UNC80: variants seen among roughly 807,000 people sequenced by gnomAD.
UNC80 encodes the protein unc-80 subunit of NALCN channel complex, also known as protein unc-80 homolog.
A neutral mutation model predicts 384.6 loss-of-function variants in UNC80; 164 were observed. The observed-to-expected ratio is 0.43, with a 90% CI of 0.38 to 0.49. The LOEUF (loss-of-function observed/expected upper bound fraction) is 0.49, where lower values mean the gene tolerates loss of function less well. UNC80 is among the 20% of genes least tolerant of loss of function. UNC80 has a pLI of 0.00. For synonymous variants in UNC80, 1,486 were observed against 1,527.8 expected (o/e 0.97, Z 0.64); for missense variants, 3,330 against 4,143.0 (o/e 0.80, Z 5.39).
chr2:209,786,811 G>A (rs2077455105), intron 5 of UNC80, among the ~76,000 whole-genome samples: 1 of 151,908 alleles, frequency 6.6e-6, no homozygotes, highest in South Asian at 2.1e-4. Context: ...TAAAATTGAG[G>A]TGATAATGCC....
intron 14 of UNC80, among the ~76,000 whole-genome samples, chr2:209,828,340 G>A (rs1408291977): frequency 6.6e-6 from 1 of 152,022 alleles, no homozygotes; most frequent in African/African-American, 2.4e-5. Context: ...CTGGAAACTT[G>A]TAAACTCCCT....
intron 6 of UNC80, among the ~76,000 whole-genome samples, chr2:209,792,931 A>G (rs1176531421): frequency 6.6e-6 from 1 of 152,190 alleles, no homozygotes; most frequent in Non-Finnish European, 1.5e-5. Context: ...ACATTATGCT[A>G]AAGAATTTTA....
Position 209,995,947 on chromosome 2 carries a change from A to C in UNC80, c.*352A>C. 1 of 173,562 alleles carries C rather than the reference A, an allele frequency of 5.8e-6. No homozygotes were observed. The highest frequency in any genetic ancestry group is 1.4e-4 in the South Asian group (1 of 7,032). 10.8% of individuals were successfully genotyped at this position (173,562 alleles called of 1,614,324 possible). On this transcript the variant is annotated 3_prime_UTR_variant, in exon 65 of 65. Transcript: ENST00000673920. ...ATATTAACAAATGATATGATCTAAA[A>C]ATAGAATGCAATTTTTTGAGATTAC...
At chr2:209,970,738 T>C (rs1439455859) in intron 53 of UNC80, 94 bp from the exon 54 acceptor site, 1 of 1,409,318 alleles carries the variant, frequency 7.1e-7, no homozygotes, top group African/African-American at 1.4e-5. Flanking sequence ...CTTCAATTTA[T>C]CATTTTTATT....
At chr2:209,981,746 A>G (rs2093162287) in intron 59 of UNC80, among the ~76,000 whole-genome samples, 1 of 152,242 alleles carries the variant, frequency 6.6e-6, no homozygotes, top group South Asian at 2.1e-4. Context: ...TCTTTCCCTC[A>G]GCAGTCTAGA....
intron 61 of UNC80, among the ~76,000 whole-genome samples, chr2:209,989,734 A>G (rs990528830): frequency 6.6e-6 from 1 of 152,222 alleles, no homozygotes; most frequent in Admixed American, 6.5e-5. Flanking sequence ...CAAATCCTGC[A>G]GATGACTGAA....
At chr2:209,968,233 G>A (rs1164174831) in intron 52 of UNC80, 1 of 152,284 alleles carries the variant, frequency 6.6e-6, no homozygotes, top group African/African-American at 2.4e-5. Flanking sequence ...ATTAGCAGAT[G>A]TTTTTGAACC....
chr2:209,772,969 T>A, intron 1 of UNC80, 125 bp from the exon 2 acceptor site: 1 of 749,702 alleles, frequency 1.3e-6, no homozygotes, highest in Non-Finnish European at 2.2e-6. Flanking sequence ...ATTAAAAAGC[T>A]ATAAGGAAGC....
rs2125038868 is a variant in UNC80 at position 209,998,947 on chromosome 2, A to G, written c.*3352A>G. ...TTTGACACTCAGGAGAATAAAAACA[A>G]GTTGAGGGCAGAATGTATTTGGAAA... On this transcript the variant is annotated 3_prime_UTR_variant, in exon 65 of 65. Transcript: ENST00000673920. 1 of 152,338 alleles carries G rather than the reference A, an allele frequency of 6.6e-6. No individual in the cohort carries two copies. Among genetic ancestry groups the G allele is most frequent in the East Asian group, 1.9e-4 (1 of 5,184 alleles). The allele number at this position is 152,338 out of a possible 1,614,324, so 9.4% of individuals were successfully genotyped here. A position where few individuals can be genotyped will look rare whatever the true frequency, so the allele number is the denominator to read the frequency against.
At chr2:209,962,481 A>G (rs2092624856) in intron 51 of UNC80, among the ~76,000 whole-genome samples, 1 of 152,190 alleles carries the variant, frequency 6.6e-6, no homozygotes. Context: ...CATAGTAGAT[A>G]AAGTGCTGGT....
rs754770494 is a variant in UNC80 at position 209,849,656 on chromosome 2, C to T, written c.3627+33C>T. The T allele has an allele frequency of 9.7e-6, 15 of 1,545,510 alleles. No homozygotes were observed. In the African/African-American group the frequency reaches 1.5e-4, roughly 16 times the overall value. On this transcript the variant is annotated intron_variant, in intron 22 of 64. Transcript: ENST00000673920. Reference sequence around the variant, plus strand: ...GGTGAAAGAATTTTCCCACCCTGCCCCCCATCCCAAGTAGCACTATTAACA... The same window carrying T: ...GGTGAAAGAATTTTCCCACCCTGCCTCCCATCCCAAGTAGCACTATTAACA...
chr2:209,793,701 C>T lies in UNC80; in HGVS notation c.799-19C>T. 6.2e-7 allele frequency: 1 copy of T among 1,612,114 alleles called. No individual in the cohort carries two copies. Among genetic ancestry groups the T allele is most frequent in the Non-Finnish European group, 8.5e-7 (1 of 1,178,766 alleles). On this transcript the variant is annotated intron_variant, in intron 6 of 64. Coordinates refer to ENST00000673920, the MANE Select transcript of UNC80 (RefSeq NM_001371986.1). ...AAAACAAAAAACAAAACCTAATCTGCTATCTCTGCCTCCAAAAGGGACTCC... is the reference window on the plus strand; with the variant it reads ...AAAACAAAAAACAAAACCTAATCTGTTATCTCTGCCTCCAAAAGGGACTCC...
chr2:209,862,329 C>A (rs747208415), intron 22 of UNC80, among the ~76,000 whole-genome samples: 2 of 152,136 alleles, frequency 1.3e-5, no homozygotes, highest in Non-Finnish European at 2.9e-5. Flanking sequence ...CTGTAGATAT[C>A]TATTAGGTCT....
intron 4 of UNC80, among the ~76,000 whole-genome samples, chr2:209,783,608 A>G (rs1212505899): frequency 6.6e-6 from 1 of 152,190 alleles, no homozygotes. Context: ...TGTATTTAGT[A>G]AAACAAAATG....
intron 38 of UNC80, 31 bp from the exon 39 acceptor site, chr2:209,933,791 C>G (rs1026057625): frequency 2.0e-6 from 3 of 1,510,546 alleles, no homozygotes; most frequent in Admixed American, 4.3e-5. Flanking sequence ...ATTATTGTAG[C>G]TTTGTGAACT....
At chr2:209,937,050 T>C (rs2091296431) in intron 41 of UNC80, 117 bp downstream of exon 41, 2 of 665,238 alleles carry the variant, frequency 3.0e-6, no homozygotes, top group Non-Finnish European at 5.3e-6. Flanking sequence ...TATGGCCACC[T>C]GGGTCACACC....
At position 209,945,092 on chromosome 2, in the gene UNC80, G is replaced by C. The variant is rs2091849335; in HGVS notation, c.7092G>C (p.Gln2364His). The C allele has an allele frequency of 1.9e-6, 3 of 1,551,626 alleles. No homozygotes were observed. Among genetic ancestry groups the C allele is most frequent in the African/African-American group, 2.7e-5 (2 of 73,016 alleles). ...GGCCCAGCAAAGGTGTGTCAGCTCA[G>C]TGCCTGTTTGACTTGCTGCAGTCCC... ...NNGPSKGVSA[Q>H]CLFDLLQSLE... Residue 2364 changes from glutamine to histidine, a missense_variant, in exon 46 of 65, where the codon CAG becomes CAC. This residue lies in a region of UNC80 where 1,049 missense variants were observed against 1,488.6 expected (regional missense o/e 0.70). Coordinates refer to ENST00000673920, the MANE Select transcript of UNC80 (RefSeq NM_001371986.1).
At chr2:209,939,284 A>C (rs1051320869) in intron 42 of UNC80, among the ~76,000 whole-genome samples, 188 bp from the exon 43 acceptor site, 2 of 152,198 alleles carry the variant, frequency 1.3e-5, no homozygotes, top group African/African-American at 4.8e-5. Context: ...AGTAAGAGGC[A>C]ATTGAGAATT....
chr2:209,772,682 A>G lies in UNC80; in HGVS notation c.93-412A>G, dbSNP rs79219128. 5.2e-3 allele frequency among the ~76,000 whole-genome samples: 795 copies of G among 152,324 alleles called. 10 individuals carry two copies. Among genetic ancestry groups the G allele is most frequent in the African/African-American group, 0.018 (750 of 41,562 alleles). On this transcript the variant is annotated intron_variant, in intron 1 of 64. Coordinates refer to ENST00000673920, the MANE Select transcript of UNC80 (RefSeq NM_001371986.1). ...CCCGGAAAGGCCTGACACCTATTCC[A>G]ATAAACAGAAAAGGTTTTCTTTATT...
Sources: gnomAD v4.1 joint callset for allele counts (sites outside exome capture counted in the v4.1 genomes callset) on GRCh38, gnomAD v4.1.1 for gene constraint, gnomAD v4.1.1 regional missense constraint, MANE v1.5 for transcripts, NCBI Gene and HGNC (gene_info 2026-07-23, HGNC 2026-07-21) for gene names.